Variants in SAMD5 observed in about 807,000 individuals in gnomAD.
The protein encoded by SAMD5 is sterile alpha motif domain-containing protein 5.
Under a neutral mutation model 11.3 loss-of-function variants are expected in SAMD5, and 13 were observed. That is an observed-to-expected ratio of 1.15 (90% CI 0.75 to 1.83). The LOEUF is 1.83. SAMD5 is among the 40% of genes most tolerant of loss of function. The pLI is 0.00. For missense variants in SAMD5, 255 were observed against 239.1 expected, an observed-to-expected ratio of 1.07 and a Z score of -0.44; for synonymous variants, 129 against 111.3, an observed-to-expected ratio of 1.16 and a Z score of -1.00.
chr6:147,801,456 A>T, the SAMD5 span, among the ~76,000 whole-genome samples: 1,871 of 152,222 alleles, frequency 0.012, 48 homozygotes, highest in African/African-American at 0.042. Context: ...TAAACACAGG[A>T]ACCAACTCAG....
At chr6:147,690,543 G>A (rs1791085894) in intron 1 of SAMD5, among the ~76,000 whole-genome samples, 1 of 152,100 alleles carries the variant, frequency 6.6e-6, no homozygotes. Flanking sequence ...CAGCTACTTG[G>A]GAGGCAGAGG....
the SAMD5 span, among the ~76,000 whole-genome samples, chr6:147,933,661 C>A: frequency 6.8e-6 from 1 of 147,638 alleles, no homozygotes; most frequent in Admixed American, 6.6e-5. Context: ...TCTGTGACAT[C>A]TCAAAATATC....
chr6:147,562,542 G>C (rs1161284225), intron 1 of SAMD5, among the ~76,000 whole-genome samples: 1 of 152,196 alleles, frequency 6.6e-6, no homozygotes, highest in Non-Finnish European at 1.5e-5. Context: ...CAAAGTGTTG[G>C]CCGGGTGTGG....
chr6:147,621,592 T>G (rs2128450294), intron 1 of SAMD5, among the ~76,000 whole-genome samples: 1 of 152,302 alleles, frequency 6.6e-6, no homozygotes, highest in South Asian at 2.1e-4. Flanking sequence ...TTTTCTTCGC[T>G]AGTGATGATT....
chr6:147,543,114 C>T (rs1788631464), intron 1 of SAMD5, among the ~76,000 whole-genome samples: 1 of 152,134 alleles, frequency 6.6e-6, no homozygotes, highest in Admixed American at 6.5e-5. Flanking sequence ...AACCCCGCTC[C>T]CCTATCCTAG....
intron 1 of SAMD5, among the ~76,000 whole-genome samples, chr6:147,632,444 GA>G (rs1790165364): frequency 1.3e-5 from 2 of 152,304 alleles, no homozygotes; most frequent in South Asian, 2.1e-4. Context: ...AGGTAGTGGA[GA>G]GGGGCAGAAA....
At chr6:147,883,619 A>G in the SAMD5 span, among the ~76,000 whole-genome samples, 1 of 152,208 alleles carries the variant, frequency 6.6e-6, no homozygotes, top group Non-Finnish European at 1.5e-5. Flanking sequence ...TTGAAAATCC[A>G]AAGGATTATA....
chr6:147,632,236 C>T (rs537522427), intron 1 of SAMD5, among the ~76,000 whole-genome samples: 3 of 152,252 alleles, frequency 2.0e-5, no homozygotes, highest in South Asian at 4.1e-4. Context: ...GGAAGTAAAG[C>T]GGCCTTGAGA....
At chr6:147,937,386 G>A in the SAMD5 span, among the ~76,000 whole-genome samples, 1 of 152,164 alleles carries the variant, frequency 6.6e-6, no homozygotes, top group Non-Finnish European at 1.5e-5. Flanking sequence ...ATTCCTTAAA[G>A]TAGGGCTCTC....
intron 1 of SAMD5, among the ~76,000 whole-genome samples, chr6:147,544,834 G>A (rs1788661723): frequency 6.6e-6 from 1 of 152,194 alleles, no homozygotes; most frequent in African/African-American, 2.4e-5. Flanking sequence ...ATTTGGCAGT[G>A]TAAAATGCTG....
chr6:147,732,957 G>A (rs1410038522), intron 1 of SAMD5, among the ~76,000 whole-genome samples: 1 of 152,206 alleles, frequency 6.6e-6, no homozygotes, highest in Non-Finnish European at 1.5e-5. Flanking sequence ...CTTGAAACAT[G>A]CTAGGTCTGT....
At position 147,628,401 on chromosome 6, in the gene SAMD5, G is replaced by A. The variant is rs151126171; in HGVS notation, c.163-108916G>A. Among the ~76,000 whole-genome samples the A allele has an allele frequency of 2.7e-3, 416 of 152,210 alleles. 1 individual carries two copies. Among genetic ancestry groups the A allele is most frequent in the South Asian group, 0.015 (74 of 4,814 alleles). On this transcript the variant is annotated intron_variant, in intron 1 of 1. Transcript: ENST00000566741. Reference sequence around the variant, plus strand: ...TAAACTTTATGCCTATTCCAACCTAGTATAAGACAGACTCTTAAACGTATT... The same window carrying A: ...TAAACTTTATGCCTATTCCAACCTAATATAAGACAGACTCTTAAACGTATT...
At chr6:147,953,288 T>G in the SAMD5 span, 17 of 152,140 alleles carry the variant, frequency 1.1e-4, 1 homozygote, top group Non-Finnish European at 2.5e-4. Context: ...ATTTCTCTCA[T>G]TTTGGTTTTT....
At chr6:147,840,647 G>T in the SAMD5 span, among the ~76,000 whole-genome samples, 34 of 152,198 alleles carry the variant, frequency 2.2e-4, no homozygotes, top group African/African-American at 8.0e-4. Context: ...AAGAATTCAA[G>T]AATTATCTCT....
chr6:147,919,749 C>T, the SAMD5 span, among the ~76,000 whole-genome samples: 3 of 152,148 alleles, frequency 2.0e-5, no homozygotes, highest in East Asian at 5.8e-4. Context: ...TTCTCTTCTT[C>T]CTTGTCTTCA....
intron 1 of SAMD5, among the ~76,000 whole-genome samples, chr6:147,596,599 C>T (rs1250310284): frequency 6.6e-6 from 1 of 152,164 alleles, no homozygotes; most frequent in African/African-American, 2.4e-5. Flanking sequence ...GTTATTAGCA[C>T]TCCAGTAGTT....
the SAMD5 span, among the ~76,000 whole-genome samples, chr6:147,897,787 A>C: frequency 6.6e-6 from 1 of 151,914 alleles, no homozygotes; most frequent in Non-Finnish European, 1.5e-5. Flanking sequence ...TCTACTAAAA[A>C]TACAAGAAAT....
the SAMD5 span, among the ~76,000 whole-genome samples, chr6:147,939,225 A>G: frequency 6.6e-6 from 1 of 152,070 alleles, no homozygotes; most frequent in Admixed American, 6.6e-5. Context: ...CATCACCTCC[A>G]TGTGTTCACT....
At position 147,565,784 on chromosome 6, in the gene SAMD5, G is replaced by T; in HGVS notation, c.*1328G>T. The T allele has an allele frequency of 1.0e-6, 1 of 985,316 alleles. No homozygotes were observed. Among genetic ancestry groups the T allele is most frequent in the Non-Finnish European group, 1.2e-6 (1 of 829,890 alleles). 61.0% of individuals were successfully genotyped at this position (985,316 alleles called of 1,614,324 possible). On this transcript the variant is annotated 3_prime_UTR_variant, in exon 2 of 2. Coordinates refer to ENST00000367474, the MANE Select transcript of SAMD5 (RefSeq NM_001030060.3). Reference sequence around the variant, plus strand: ...CTGGATGCTGGTAGTTTTATTTTCTGCTTAGAAAACGCAACCATGTTGATG... The same window carrying T: ...CTGGATGCTGGTAGTTTTATTTTCTTCTTAGAAAACGCAACCATGTTGATG...
Sources: gnomAD v4.1 joint callset for allele counts (sites outside exome capture counted in the v4.1 genomes callset) on GRCh38, gnomAD v4.1.1 for gene constraint, MANE v1.5 for transcripts, NCBI Gene and HGNC (gene_info 2026-07-23, HGNC 2026-07-21) for gene names.